Variants in TOX2 observed in about 807,000 individuals in gnomAD.
TOX2 encodes granulosa cell HMG box 1.
TOX2 carries 15 observed loss-of-function variants against 47.4 expected under a neutral mutation model. The ratio of observed to expected loss-of-function variants is 0.32; its 90% CI spans 0.21 to 0.49. TOX2 has a LOEUF of 0.49. TOX2 is among the 20% of genes least tolerant of loss of function. The pLI is 0.99. For missense variants in TOX2, 622 were observed against 673.1 expected (o/e 0.92, Z 0.84); for synonymous variants, 290 against 296.6 (o/e 0.98, Z 0.23).
At chr20:44,051,690 G>C in intron 4 of TOX2, 145 bp downstream of exon 4, 1 of 1,289,126 alleles carries the variant, frequency 7.8e-7, no homozygotes, top group Non-Finnish European at 1.0e-6. Flanking sequence ...TTCCCACTGA[G>C]CAGGCGTTCC....
rs1294722499 is a variant in TOX2, at chr20:44,048,411, T to TA, written c.412-2894dup. 5.9e-5 allele frequency among the ~76,000 whole-genome samples: 8 copies of TA among 135,010 alleles called. No homozygotes were observed. In the East Asian group the frequency reaches 1.5e-3, roughly 25 times the overall value. 88.6% of individuals were successfully genotyped at this position (135,010 alleles called of 152,430 possible). On this transcript the variant is annotated intron_variant, in intron 3 of 8. Transcript: ENST00000341197. Reference sequence around the variant, plus strand: ...ATTTATATATATATATATATATATATATGTATAATTTACCAAAACTGACTC... The same window carrying TA: ...ATTTATATATATATATATATATATATAATGTATAATTTACCAAAACTGACTC...
intron 5 of TOX2, among the ~76,000 whole-genome samples, chr20:44,056,141 C>T (rs1402707049): frequency 6.6e-6 from 1 of 152,192 alleles, no homozygotes; most frequent in Admixed American, 6.5e-5. Context: ...GGCAAGGGTG[C>T]TGGGGTGGAC....
intron 3 of TOX2, among the ~76,000 whole-genome samples, chr20:44,042,306 C>A (rs1164635474): frequency 2.0e-5 from 3 of 152,228 alleles, no homozygotes; most frequent in Non-Finnish European, 4.4e-5. Flanking sequence ...CCTCCCACAA[C>A]ATGTGGGAAT....
chr20:43,930,336 A>G (rs902132939), intron 1 of TOX2, among the ~76,000 whole-genome samples: 1 of 152,210 alleles, frequency 6.6e-6, no homozygotes, highest in Admixed American at 6.5e-5. Flanking sequence ...TGTGAGGGAC[A>G]CAGTGTTTGG....
At chr20:43,999,047 A>G (rs1423774961) in intron 2 of TOX2, among the ~76,000 whole-genome samples, 2 of 152,212 alleles carry the variant, frequency 1.3e-5, no homozygotes, top group Non-Finnish European at 2.9e-5. Flanking sequence ...GGCGTGCGCC[A>G]CCATGCTCGG....
intron 1 of TOX2, among the ~76,000 whole-genome samples, chr20:43,917,398 C>T (rs576326649): frequency 6.6e-6 from 1 of 152,186 alleles, no homozygotes. Flanking sequence ...GAAACAGGCT[C>T]AGGGTGCAGT....
At chr20:43,987,024 A>G (rs559017964) in intron 2 of TOX2, among the ~76,000 whole-genome samples, 2 of 152,336 alleles carry the variant, frequency 1.3e-5, no homozygotes, top group East Asian at 1.9e-4. Flanking sequence ...TGTTTGCTCC[A>G]TTGCACTCTA....
intron 1 of TOX2, chr20:43,945,934 G>A: frequency 1.9e-6 from 3 of 1,613,632 alleles, no homozygotes; most frequent in African/African-American, 1.3e-5. Flanking sequence ...TCGCACAGAG[G>A]CTGTCGCGGG....
intron 3 of TOX2, among the ~76,000 whole-genome samples, chr20:44,026,877 T>C (rs531122575): frequency 1.3e-5 from 2 of 152,084 alleles, no homozygotes; most frequent in East Asian, 3.9e-4. Context: ...CACCCACAAC[T>C]CTCCTGGGAA....
intron 1 of TOX2, among the ~76,000 whole-genome samples, chr20:43,959,299 T>G (rs2069718349): frequency 6.6e-6 from 1 of 152,220 alleles, no homozygotes; most frequent in Non-Finnish European, 1.5e-5. Context: ...TCCAGAGCTG[T>G]GCTGCACCAG....
chr20:43,953,598 G>C (rs1023685551), intron 1 of TOX2, among the ~76,000 whole-genome samples: 3 of 152,194 alleles, frequency 2.0e-5, no homozygotes, highest in Admixed American at 1.3e-4. Flanking sequence ...CAGTGTAAAG[G>C]ACTTGTCTCT....
At chr20:44,018,629 C>T (rs1300013392) in intron 3 of TOX2, among the ~76,000 whole-genome samples, 1 of 152,178 alleles carries the variant, frequency 6.6e-6, no homozygotes, top group Non-Finnish European at 1.5e-5. Context: ...AAAAGTCAGT[C>T]TCATGAGCTC....
chr20:44,013,387 T>C (rs772130304), intron 3 of TOX2, among the ~76,000 whole-genome samples: 3 of 152,216 alleles, frequency 2.0e-5, no homozygotes, highest in Admixed American at 6.5e-5. Flanking sequence ...TCTATCCCTG[T>C]TGGATTCTCA....
At chr20:43,978,672 C>G (rs989655145) in intron 2 of TOX2, among the ~76,000 whole-genome samples, 1 of 152,052 alleles carries the variant, frequency 6.6e-6, no homozygotes, top group African/African-American at 2.4e-5. Context: ...TCACAGCCTT[C>G]CTGGCTGTGT....
chr20:43,966,271 T>C (rs1457286885), intron 1 of TOX2, among the ~76,000 whole-genome samples: 2 of 151,836 alleles, frequency 1.3e-5, no homozygotes, highest in Non-Finnish European at 2.9e-5. Context: ...CACATAGGAG[T>C]TGAATTAAGT....
intron 1 of TOX2, among the ~76,000 whole-genome samples, chr20:43,921,665 T>C (rs1030811162): frequency 2.6e-5 from 4 of 152,050 alleles, no homozygotes; most frequent in African/African-American, 4.8e-5. Flanking sequence ...TCTTCTTCTT[T>C]TTTTTTTTCT....
At chr20:44,021,516 C>A (rs1243822691) in intron 3 of TOX2, among the ~76,000 whole-genome samples, 2 of 152,194 alleles carry the variant, frequency 1.3e-5, no homozygotes, top group African/African-American at 2.4e-5. Flanking sequence ...CCAACCACTC[C>A]CTTTTTGTCT....
At chr20:43,983,749 C>A (rs1569062313) in intron 2 of TOX2, among the ~76,000 whole-genome samples, 1 of 152,184 alleles carries the variant, frequency 6.6e-6, no homozygotes. Flanking sequence ...TCCTTAGGCT[C>A]AGGCTCAGGG....
chr20:44,001,791 G>A (rs1483956553), intron 2 of TOX2, among the ~76,000 whole-genome samples: 1 of 152,174 alleles, frequency 6.6e-6, no homozygotes, highest in Admixed American at 6.5e-5. Context: ...CGTGTAGTAT[G>A]CTGGGAAGGA....
Sources: gnomAD v4.1 joint callset for allele counts (sites outside exome capture counted in the v4.1 genomes callset) on GRCh38, gnomAD v4.1.1 for gene constraint, MANE v1.5 for transcripts, NCBI Gene and HGNC (gene_info 2026-07-23, HGNC 2026-07-21) for gene names.